The following GRID2 variants were observed in gnomAD, a reference collection of about 807,000 sequenced individuals.
GRID2 encodes glutamate ionotropic receptor delta type subunit 2, also known as glutamate receptor ionotropic, delta-2.
A neutral mutation model predicts 114.8 loss-of-function variants in GRID2; 33 were observed. That is an observed-to-expected ratio of 0.29 (90% CI 0.22 to 0.38). The LOEUF is 0.38. Ranked by LOEUF, GRID2 falls within the 10% of genes least tolerant of loss-of-function variation. The probability of loss-of-function intolerance (pLI) is 1.00; values close to 1 mark genes in which losing one functional copy is unlikely to be tolerated. For missense variants in GRID2, 1,184 were observed against 1,257.7 expected (o/e 0.94, Z 0.89); for synonymous variants, 505 against 449.9 (o/e 1.12, Z -1.55).
At chr4:93,778,776 T>C (rs1734422353), downstream of GRID2, among the ~76,000 whole-genome samples, 1 of 152,198 alleles carries the variant, frequency 6.6e-6, no homozygotes, top group African/African-American at 2.4e-5. Flanking sequence ...GACACTGTTT[T>C]TTAAAAAAGC....
rs758896409 is a variant in GRID2, at chr4:93,319,174, T to C, written c.1246-76433T>C. Among the ~76,000 whole-genome samples the C allele has an allele frequency of 8.5e-5, 13 of 152,180 alleles. No homozygotes were observed. In the South Asian group the frequency reaches 2.7e-3, roughly 32 times the overall value. On this transcript the variant is annotated intron_variant, in intron 8 of 15. Transcript: ENST00000282020. ...ATGGGTACTTTCAGGAAGGGGAAAA[T>C]GAATGCTAGCCATTCAAAATGTACA...
intron 13 of GRID2, among the ~76,000 whole-genome samples, chr4:93,567,880 T>G (rs1735584578): frequency 6.6e-6 from 1 of 152,230 alleles, no homozygotes; most frequent in Non-Finnish European, 1.5e-5. Context: ...TTATAGGCTG[T>G]CTGTCACTTA....
At position 93,491,393 on chromosome 4, in the gene GRID2, C is replaced by T. The variant is rs925036238; in HGVS notation, c.1997+616C>T. On this transcript the variant is annotated intron_variant, in intron 12 of 15. Coordinates refer to ENST00000282020, the MANE Select transcript of GRID2 (RefSeq NM_001510.4). ...ATTAACTATGGTGCACTTATTTAATCCTAAAAGTTACCTAAGCCAGTGTCT... is the reference window on the plus strand; with the variant it reads ...ATTAACTATGGTGCACTTATTTAATTCTAAAAGTTACCTAAGCCAGTGTCT... 3.9e-5 allele frequency among the ~76,000 whole-genome samples: 6 copies of T among 151,902 alleles called. 1 individual carries two copies. Among genetic ancestry groups the T allele is most frequent in the Admixed American group, 1.3e-4 (2 of 15,226 alleles).
intron 2 of GRID2, among the ~76,000 whole-genome samples, chr4:93,030,857 A>G (rs1724354751): frequency 6.9e-6 from 1 of 145,294 alleles, no homozygotes; most frequent in African/African-American, 2.4e-5. Context: ...GTGAGAAAAA[A>G]AGAGAGGAAA....
chr4:92,602,800 A>T (rs1372569770), intron 2 of GRID2, among the ~76,000 whole-genome samples: 1 of 152,218 alleles, frequency 6.6e-6, no homozygotes, highest in African/African-American at 2.4e-5. Context: ...TCTATCTAGA[A>T]AACCCCATCG....
chr4:93,276,426 T>A (rs562854089), intron 8 of GRID2, among the ~76,000 whole-genome samples: 2 of 152,010 alleles, frequency 1.3e-5, no homozygotes, highest in African/African-American at 2.4e-5. Context: ...TTGACTCTTC[T>A]GAGTCTCTTG....
At chr4:93,677,760 C>T (rs1435150558) in intron 14 of GRID2, among the ~76,000 whole-genome samples, 2 of 152,028 alleles carry the variant, frequency 1.3e-5, no homozygotes, top group Non-Finnish European at 2.9e-5. Context: ...GAAAGGACAT[C>T]CACACCAAAA....
chr4:92,488,044 C>G (rs1160738065), intron 1 of GRID2, among the ~76,000 whole-genome samples: 2 of 152,144 alleles, frequency 1.3e-5, no homozygotes, highest in Non-Finnish European at 2.9e-5. Flanking sequence ...AGTGCCTCAA[C>G]TGTGTCGATT....
chr4:92,632,961 A>G (rs1214669338), intron 2 of GRID2, among the ~76,000 whole-genome samples: 1 of 152,208 alleles, frequency 6.6e-6, no homozygotes, highest in Non-Finnish European at 1.5e-5. Flanking sequence ...GCCAAGATAC[A>G]ATGGGAAAAA....
At chr4:92,961,347 A>C (rs572770838) in intron 2 of GRID2, among the ~76,000 whole-genome samples, 1 of 147,372 alleles carries the variant, frequency 6.8e-6, no homozygotes, top group African/African-American at 2.5e-5. Context: ...GGTTTCTTGC[A>C]GGGAGGGTCT....
intron 8 of GRID2, among the ~76,000 whole-genome samples, chr4:93,364,606 G>A (rs1330883209): frequency 6.6e-6 from 1 of 151,846 alleles, no homozygotes; most frequent in East Asian, 1.9e-4. Context: ...AAAATAACTG[G>A]GACTACCACC....
At chr4:93,194,339 A>G (rs1258486468) in intron 4 of GRID2, among the ~76,000 whole-genome samples, 1 of 152,240 alleles carries the variant, frequency 6.6e-6, no homozygotes, top group Non-Finnish European at 1.5e-5. Flanking sequence ...TTTGTGTAGC[A>G]ATGATTGAAG....
chr4:93,149,347 G>A (rs1037099921), intron 4 of GRID2, among the ~76,000 whole-genome samples: 3 of 152,082 alleles, frequency 2.0e-5, no homozygotes, highest in Admixed American at 2.0e-4. Flanking sequence ...GCGGAGGCAG[G>A]TGGGTCACTT....
chr4:92,781,422 A>G (rs1233573117), intron 2 of GRID2, among the ~76,000 whole-genome samples: 1 of 152,078 alleles, frequency 6.6e-6, no homozygotes, highest in African/African-American at 2.4e-5. Flanking sequence ...AGTAACTAAG[A>G]TAAGTTTATA....
At chr4:93,058,613 G>T (rs919350319) in intron 2 of GRID2, among the ~76,000 whole-genome samples, 2 of 151,808 alleles carry the variant, frequency 1.3e-5, no homozygotes, top group African/African-American at 4.8e-5. Flanking sequence ...ACTGTTTAAG[G>T]TAGAATACTT....
At chr4:93,654,272 A>G (rs1378216503) in intron 14 of GRID2, among the ~76,000 whole-genome samples, 1 of 152,206 alleles carries the variant, frequency 6.6e-6, no homozygotes, top group Non-Finnish European at 1.5e-5. Flanking sequence ...CACAAAGAGA[A>G]ATGATAAAAC....
intron 2 of GRID2, among the ~76,000 whole-genome samples, chr4:93,045,858 G>T (rs1041129649): frequency 3.9e-5 from 6 of 152,076 alleles, no homozygotes; most frequent in African/African-American, 1.4e-4. Flanking sequence ...AAAATGAACT[G>T]TATGCCATGA....
At chr4:93,134,340 C>T (rs143741488) in intron 4 of GRID2, among the ~76,000 whole-genome samples, 4 of 152,210 alleles carry the variant, frequency 2.6e-5, no homozygotes, top group African/African-American at 9.6e-5. Flanking sequence ...GAAATTTGTA[C>T]CATGGCTTTG....
intron 2 of GRID2, among the ~76,000 whole-genome samples, chr4:92,958,609 C>T (rs1475102433): frequency 1.3e-5 from 2 of 152,038 alleles, no homozygotes; most frequent in African/African-American, 2.4e-5. Flanking sequence ...ATGTCCACAA[C>T]ATATATTGGT....
Sources: gnomAD v4.1 joint callset for allele counts (sites outside exome capture counted in the v4.1 genomes callset) on GRCh38, gnomAD v4.1.1 for gene constraint, MANE v1.5 for transcripts, NCBI Gene and HGNC (gene_info 2026-07-23, HGNC 2026-07-21) for gene names.